Variants in CEP112 observed in about 807,000 individuals in gnomAD.
The protein encoded by CEP112 is centrosomal protein of 112 kDa.
In CEP112, 127 loss-of-function variants were observed where a neutral mutation model predicts 153.0. The observed-to-expected ratio is 0.83, with a 90% CI of 0.72 to 0.96. The LOEUF is 0.96. CEP112 is among the 40% of genes least tolerant of loss of function. The probability of loss-of-function intolerance (pLI) is 0.00; values close to 1 mark genes in which losing one functional copy is unlikely to be tolerated. For synonymous variants in CEP112, 358 were observed against 374.4 expected, an observed-to-expected ratio of 0.96 and a Z score of 0.51; for missense variants, 1,089 against 1,101.2, an observed-to-expected ratio of 0.99 and a Z score of 0.16.
intron 18 of CEP112, among the ~76,000 whole-genome samples, chr17:65,959,304 C>T (rs184200514): frequency 6.6e-6 from 1 of 152,198 alleles, no homozygotes; most frequent in Non-Finnish European, 1.5e-5. Flanking sequence ...TGAACACTCA[C>T]TGGGACACCC....
At chr17:66,014,027 G>A (rs1386635745) in intron 16 of CEP112, among the ~76,000 whole-genome samples, 1 of 152,254 alleles carries the variant, frequency 6.6e-6, no homozygotes, top group East Asian at 1.9e-4. Flanking sequence ...ACAGCAGCAA[G>A]TGGGGGACGG....
intron 16 of CEP112, among the ~76,000 whole-genome samples, chr17:66,013,830 G>GGGGA (rs1330035776): frequency 6.6e-6 from 1 of 152,196 alleles, no homozygotes; most frequent in Non-Finnish European, 1.5e-5. Flanking sequence ...GCACCATGGA[G>GGGGA]GGGAGGGGTC....
At chr17:66,068,944 C>T (rs2067215489) in intron 9 of CEP112, among the ~76,000 whole-genome samples, 1 of 150,846 alleles carries the variant, frequency 6.6e-6, no homozygotes, top group Non-Finnish European at 1.5e-5. Context: ...CTAGTAAGAG[C>T]AAAAAAAATT....
chr17:65,771,408 T>C (rs1414644751), intron 21 of CEP112, among the ~76,000 whole-genome samples: 3 of 152,006 alleles, frequency 2.0e-5, no homozygotes, highest in African/African-American at 4.8e-5. Context: ...CTGACAGAAA[T>C]GAAAGGATAA....
chr17:66,164,886 A>ATGTATG (rs1555818089), intron 4 of CEP112, among the ~76,000 whole-genome samples: 2 of 137,506 alleles, frequency 1.5e-5, no homozygotes, highest in African/African-American at 2.7e-5. Context: ...ACACACATAT[A>ATGTATG]TGTGTGTGTG....
chr17:66,035,849 TA>T (rs1427530007), intron 12 of CEP112, among the ~76,000 whole-genome samples: 1 of 152,100 alleles, frequency 6.6e-6, no homozygotes, highest in African/African-American at 2.4e-5. Flanking sequence ...ACCCTTTGAA[TA>T]AAACAGCTTG....
At chr17:66,173,138 A>C (rs981528223) in intron 4 of CEP112, among the ~76,000 whole-genome samples, 1 of 152,206 alleles carries the variant, frequency 6.6e-6, no homozygotes, top group Non-Finnish European at 1.5e-5. Context: ...AGAAAAACAA[A>C]TACTTCATTT....
intron 19 of CEP112, among the ~76,000 whole-genome samples, chr17:65,919,090 A>G (rs2060604579): frequency 6.6e-6 from 1 of 152,228 alleles, no homozygotes. Context: ...GAAAATGAAT[A>G]GCACCCCCCT....
intron 23 of CEP112, among the ~76,000 whole-genome samples, chr17:65,737,218 T>C (rs1265793290): frequency 6.6e-6 from 1 of 151,652 alleles, no homozygotes; most frequent in Non-Finnish European, 1.5e-5. Flanking sequence ...CAATATCGGG[T>C]GGTAAGGTAG....
At chr17:66,183,707 G>A (rs1198468855) in intron 1 of CEP112, among the ~76,000 whole-genome samples, 1 of 151,932 alleles carries the variant, frequency 6.6e-6, no homozygotes, top group Non-Finnish European at 1.5e-5. Flanking sequence ...CAACAAAGGT[G>A]TGATCCATGA....
At chr17:65,911,462 G>A (rs1301063701) in intron 19 of CEP112, among the ~76,000 whole-genome samples, 2 of 152,110 alleles carry the variant, frequency 1.3e-5, no homozygotes, top group African/African-American at 4.8e-5. Context: ...TAACTTCAAT[G>A]TATTTTTAAT....
chr17:65,958,499 T>C (rs1895008), intron 18 of CEP112, among the ~76,000 whole-genome samples: 72,843 of 151,838 alleles, frequency 0.48, 18,463 homozygotes, highest in East Asian at 0.89. Context: ...TGCTTGCTCC[T>C]GCTGTCTGGT....
At chr17:65,947,871 T>C (rs182602693) in intron 18 of CEP112, among the ~76,000 whole-genome samples, 1 of 152,282 alleles carries the variant, frequency 6.6e-6, no homozygotes, top group East Asian at 1.9e-4. Flanking sequence ...TTGGGTCTCT[T>C]ATTATCATAA....
intron 21 of CEP112, among the ~76,000 whole-genome samples, chr17:65,851,128 T>C (rs1201212457): frequency 6.6e-5 from 10 of 152,304 alleles, no homozygotes; most frequent in African/African-American, 2.4e-4. Context: ...AAGTTTCTCA[T>C]TCCCAAGATA....
intron 24 of CEP112, among the ~76,000 whole-genome samples, chr17:65,673,176 G>T (rs112592702): frequency 6.6e-6 from 1 of 152,070 alleles, no homozygotes; most frequent in East Asian, 1.9e-4. Context: ...CACTTCCTTG[G>T]CACTACAGGG....
chr17:66,122,296 A>G (rs1225780157), intron 6 of CEP112, among the ~76,000 whole-genome samples: 3 of 152,124 alleles, frequency 2.0e-5, no homozygotes, highest in Admixed American at 1.3e-4. Context: ...CTGGTCTCAC[A>G]GGCCATTTCT....
rs142488242 is a variant in CEP112, at chr17:66,155,205, G to A, written c.470+19839C>T. 3.0e-3 allele frequency among the ~76,000 whole-genome samples: 464 copies of A among 152,268 alleles called. 3 individuals carry two copies. Among genetic ancestry groups the A allele is most frequent in the African/African-American group, 0.01 (431 of 41,552 alleles). On this transcript the variant is annotated intron_variant, in intron 4 of 26. Transcript: ENST00000535342. ...ACTGAGGTACCCGGCTAATCTCACT[G>A]GGACTGGTTAGACAGTGGGTGCAGC... is the stretch of plus-strand genomic sequence containing the variant.
intron 18 of CEP112, among the ~76,000 whole-genome samples, chr17:65,959,355 G>A (rs73336662): frequency 0.066 from 10,029 of 152,232 alleles, 499 homozygotes; most frequent in African/African-American, 0.12. Context: ...TCTCTGAGCT[G>A]TTCTATTGCT....
intron 20 of CEP112, among the ~76,000 whole-genome samples, chr17:65,859,992 G>A (rs1243930252): frequency 7.1e-6 from 1 of 141,532 alleles, no homozygotes; most frequent in Non-Finnish European, 1.5e-5. Flanking sequence ...TGCAGCCCAG[G>A]AGACAGTGTG....
Sources: gnomAD v4.1 joint callset for allele counts (sites outside exome capture counted in the v4.1 genomes callset) on GRCh38, gnomAD v4.1.1 for gene constraint, MANE v1.5 for transcripts, NCBI Gene and HGNC (gene_info 2026-07-23, HGNC 2026-07-21) for gene names.